Variants in SPINK5 observed in about 807,000 individuals in gnomAD.
SPINK5 encodes serine peptidase inhibitor Kazal type 5.
In SPINK5, 125 loss-of-function variants were observed where a neutral mutation model predicts 151.8. That is an observed-to-expected ratio of 0.82 (90% CI 0.71 to 0.96). The LOEUF is 0.96. SPINK5 is among the 40% of genes least tolerant of loss of function. The pLI is 0.00. For missense variants in SPINK5, 1,194 were observed against 1,291.9 expected, an observed-to-expected ratio of 0.92 and a Z score of 1.16; for synonymous variants, 374 against 395.3, an observed-to-expected ratio of 0.95 and a Z score of 0.64.
intron 10 of SPINK5, among the ~76,000 whole-genome samples, chr5:148,097,113 C>CTCTG (rs1753491375): frequency 6.7e-6 from 1 of 149,762 alleles, no homozygotes; most frequent in Admixed American, 6.7e-5. Context: ...TTTCCTCCCT[C>CTCTG]TCTTTCTCTC....
intron 1 of SPINK5, 103 bp downstream of exon 1, chr5:148,064,202 A>G: frequency 1.7e-6 from 2 of 1,185,924 alleles, no homozygotes; most frequent in Non-Finnish European, 2.5e-6. Flanking sequence ...TTACGTATGC[A>G]TGTATAATCC....
chr5:148,131,511 A>G, intron 31 of SPINK5, 122 bp downstream of exon 31: 1 of 1,425,162 alleles, frequency 7.0e-7, no homozygotes. Flanking sequence ...TCATCATAGA[A>G]GTTAAAAATT....
chr5:148,081,877 G>GAA (rs1023465098), intron 4 of SPINK5, among the ~76,000 whole-genome samples: 1 of 151,624 alleles, frequency 6.6e-6, no homozygotes, highest in African/African-American at 2.4e-5. Flanking sequence ...TAGACCTTCA[G>GAA]AAAAATAGAT....
chr5:148,092,788 G>A (rs1753345930), intron 8 of SPINK5, among the ~76,000 whole-genome samples: 1 of 151,880 alleles, frequency 6.6e-6, no homozygotes, highest in South Asian at 2.1e-4. Flanking sequence ...TTACAACCAT[G>A]AGGTTTGGAG....
chr5:148,118,704 C>A (rs190343562), intron 23 of SPINK5, 140 bp downstream of exon 23: 21 of 1,283,052 alleles, frequency 1.6e-5, no homozygotes, highest in Non-Finnish European at 2.1e-5. Context: ...TTTTCTCTTG[C>A]GTTCTCTAAG....
intron 2 of SPINK5, among the ~76,000 whole-genome samples, chr5:148,068,727 G>A (rs1230587278): frequency 6.6e-6 from 1 of 151,820 alleles, no homozygotes; most frequent in African/African-American, 2.4e-5. Flanking sequence ...CCTGATACAA[G>A]CAACTTGAAG....
intron 2 of SPINK5, among the ~76,000 whole-genome samples, chr5:148,065,879 T>C (rs1246536916): frequency 6.6e-6 from 1 of 152,068 alleles, no homozygotes; most frequent in African/African-American, 2.4e-5. Context: ...GTAAACAAAA[T>C]AGATGAAATT....
At chr5:148,078,285 A>G (rs1752935426) in intron 4 of SPINK5, among the ~76,000 whole-genome samples, 1 of 151,158 alleles carries the variant, frequency 6.6e-6, no homozygotes, top group Non-Finnish European at 1.5e-5. Flanking sequence ...CCAAATTTAT[A>G]TAACAAAAAA....
chr5:148,068,113 G>T (rs778841343), intron 2 of SPINK5, among the ~76,000 whole-genome samples: 1 of 152,096 alleles, frequency 6.6e-6, no homozygotes, highest in African/African-American at 2.4e-5. Flanking sequence ...AACTTGCAAA[G>T]TTGGCATTTG....
At chr5:148,109,741 A>T (rs546776504) in intron 18 of SPINK5, among the ~76,000 whole-genome samples, 1 of 152,136 alleles carries the variant, frequency 6.6e-6, no homozygotes, top group Admixed American at 6.6e-5. Flanking sequence ...TACTGCTCTT[A>T]CCTTTGCTCT....
At chr5:148,117,364 T>C (rs945044442) in intron 22 of SPINK5, among the ~76,000 whole-genome samples, 1 of 152,174 alleles carries the variant, frequency 6.6e-6, no homozygotes, top group African/African-American at 2.4e-5. Context: ...TAACTTTGGG[T>C]TTTCCTCCAG....
intron 19 of SPINK5, among the ~76,000 whole-genome samples, chr5:148,112,455 A>T (rs1022965359): frequency 2.6e-5 from 4 of 152,094 alleles, no homozygotes; most frequent in African/African-American, 9.7e-5. Context: ...CGGGCAGATG[A>T]CGAGGTCAAG....
At chr5:148,098,159 G>A (rs1448691327) in intron 11 of SPINK5, among the ~76,000 whole-genome samples, 165 bp downstream of exon 11, 1 of 152,028 alleles carries the variant, frequency 6.6e-6, no homozygotes, top group East Asian at 1.9e-4. Flanking sequence ...AGTACCTAGA[G>A]TTATTTGTTT....
At chr5:148,097,545 A>G (rs1051576699) in intron 10 of SPINK5, among the ~76,000 whole-genome samples, 1 of 151,966 alleles carries the variant, frequency 6.6e-6, no homozygotes. Context: ...TATTCTTTTC[A>G]TTGTACTTGT....
In SPINK5 at chr5:148,112,627, C is replaced by T. The variant is rs113469247; in HGVS notation, c.1821-241C>T. Among the ~76,000 whole-genome samples the T allele has an allele frequency of 0.15, 23,044 of 151,588 alleles. 2,399 individuals carry two copies. Among genetic ancestry groups the T allele is most frequent in the East Asian group, 0.32 (1,642 of 5,118 alleles). On this transcript the variant is annotated intron_variant, in intron 19 of 32. Coordinates refer to ENST00000256084, the MANE Select transcript of SPINK5 (RefSeq NM_006846.4). ...GAAGGAGGTTTCAGTGAGCCAAGAT[C>T]GCGCCACTGCACTCCAGCCTGGCAA...
At chr5:148,109,191 C>T (rs993476779) in intron 18 of SPINK5, among the ~76,000 whole-genome samples, 1 of 152,064 alleles carries the variant, frequency 6.6e-6, no homozygotes, top group Non-Finnish European at 1.5e-5. Context: ...TGAATATTTA[C>T]CTTAAAAACA....
rs1754159608 is a variant in SPINK5, at chr5:148,118,470, A to C, written c.2146A>C (p.Asn716His). 1 of 1,614,066 alleles carries C rather than the reference A, an allele frequency of 6.2e-7. No individual in the cohort carries two copies. Among genetic ancestry groups the C allele is most frequent in the African/African-American group, 1.3e-5 (1 of 74,928 alleles). ...TGCTGAGTATCGGGAACAAATGAAA[A>C]ATGGAAGACTCAGCTGTACTCGGGA... Reference protein sequence around the residue: ...ECAEYREQMKNGRLSCTRESD... With the variant: ...ECAEYREQMKHGRLSCTRESD... Residue 716 changes from asparagine to histidine, a missense_variant, in exon 23 of 33, where the codon AAT (asparagine) becomes CAT (histidine). Coordinates refer to ENST00000256084, the MANE Select transcript of SPINK5 (RefSeq NM_006846.4).
chr5:148,077,378 T>G (rs6889688), intron 4 of SPINK5, among the ~76,000 whole-genome samples: 102,327 of 150,570 alleles, frequency 0.68, 35,495 homozygotes, highest in African/African-American at 0.8. Context: ...TCTCAAAAGC[T>G]ATCCTACAAA....
chr5:148,065,912 A>G (rs1752571898), intron 2 of SPINK5, among the ~76,000 whole-genome samples: 1 of 152,184 alleles, frequency 6.6e-6, no homozygotes, highest in Admixed American at 6.5e-5. Context: ...ATTACGTTTT[A>G]GTGTAGGAAA....
Sources: gnomAD v4.1 joint callset for allele counts (sites outside exome capture counted in the v4.1 genomes callset) on GRCh38, gnomAD v4.1.1 for gene constraint, MANE v1.5 for transcripts, NCBI Gene and HGNC (gene_info 2026-07-23, HGNC 2026-07-21) for gene names.